The following GRM8 variants were observed in gnomAD, a reference collection of about 807,000 sequenced individuals.
The protein encoded by GRM8 is metabotropic glutamate receptor 8.
A neutral mutation model predicts 87.2 loss-of-function variants in GRM8; 47 were observed. That is an observed-to-expected ratio of 0.54 (90% CI 0.43 to 0.69). The LOEUF is 0.69. Among genes scored for constraint, GRM8 ranks in the 30% least tolerant of loss-of-function variants. The pLI, the probability that GRM8 is intolerant of heterozygous loss-of-function variation, is 0.00. For missense variants in GRM8, 1,019 were observed against 1,139.2 expected, an observed-to-expected ratio of 0.89 and a Z score of 1.52; for synonymous variants, 396 against 404.5, an observed-to-expected ratio of 0.98 and a Z score of 0.25.
chr7:126,861,984 G>C (rs1798177278), intron 6 of GRM8, among the ~76,000 whole-genome samples: 1 of 151,444 alleles, frequency 6.6e-6, no homozygotes, highest in East Asian at 1.9e-4. Flanking sequence ...TTTTGTTTGG[G>C]TTTTGTTTGT....
chr7:126,932,574 A>C (rs1805872934), intron 3 of GRM8, among the ~76,000 whole-genome samples: 2 of 152,180 alleles, frequency 1.3e-5, no homozygotes, highest in Admixed American at 1.3e-4. Flanking sequence ...TGCTAGAGAA[A>C]ATAGACATAC....
chr7:126,619,541 A>G (rs886826685), intron 7 of GRM8, among the ~76,000 whole-genome samples: 2 of 135,576 alleles, frequency 1.5e-5, no homozygotes, highest in Admixed American at 1.4e-4. Context: ...AAGAAATGCT[A>G]TTTACATTAA....
chr7:127,177,226 T>C (rs1182692302), intron 2 of GRM8, among the ~76,000 whole-genome samples: 1 of 152,132 alleles, frequency 6.6e-6, no homozygotes, highest in Non-Finnish European at 1.5e-5. Flanking sequence ...GACTGCTGGC[T>C]TTCCCCCATT....
chr7:127,064,253 A>C (rs1192049927), intron 3 of GRM8, among the ~76,000 whole-genome samples: 1 of 152,136 alleles, frequency 6.6e-6, no homozygotes, highest in Non-Finnish European at 1.5e-5. Context: ...ATTGCACAGA[A>C]GTCTATGTCT....
At chr7:127,011,104 G>A (rs1005387719) in intron 3 of GRM8, among the ~76,000 whole-genome samples, 2 of 152,048 alleles carry the variant, frequency 1.3e-5, no homozygotes, top group African/African-American at 2.4e-5. Flanking sequence ...CTCAGTCTGT[G>A]GTAATATTTA....
At chr7:126,823,852 A>G (rs1183349921) in intron 6 of GRM8, among the ~76,000 whole-genome samples, 1 of 152,190 alleles carries the variant, frequency 6.6e-6, no homozygotes, top group Non-Finnish European at 1.5e-5. Context: ...AATGTACACA[A>G]GAGTTGAACA....
At chr7:127,037,203 G>GA (rs1290435604) in intron 3 of GRM8, among the ~76,000 whole-genome samples, 1 of 151,970 alleles carries the variant, frequency 6.6e-6, no homozygotes, top group African/African-American at 2.4e-5. Context: ...TTCTCACTAG[G>GA]AAAAAAATAT....
chr7:126,866,106 A>G (rs893197965), intron 6 of GRM8, among the ~76,000 whole-genome samples: 1 of 152,212 alleles, frequency 6.6e-6, no homozygotes, highest in Non-Finnish European at 1.5e-5. Flanking sequence ...TGTCTTTTTT[A>G]TAACAGCCAT....
intron 2 of GRM8, among the ~76,000 whole-genome samples, chr7:127,225,960 TA>T (rs1797294822): frequency 6.6e-6 from 1 of 152,112 alleles, no homozygotes; most frequent in Admixed American, 6.6e-5. Flanking sequence ...AAAATACATA[TA>T]TCTGGGAAGG....
chr7:127,175,363 A>G (rs143912806), intron 2 of GRM8, among the ~76,000 whole-genome samples: 191 of 152,280 alleles, frequency 1.3e-3, no homozygotes, highest in African/African-American at 4.3e-3. Flanking sequence ...ACAGAAGAAT[A>G]TATTAAAGAA....
intron 7 of GRM8, among the ~76,000 whole-genome samples, chr7:126,657,810 G>GA (rs5887303): frequency 0.69 from 105,278 of 152,074 alleles, 37,322 homozygotes; most frequent in African/African-American, 0.85. Flanking sequence ...AGTGAGTGGG[G>GA]AAACCCACAG....
chr7:126,715,815 C>T, intron 7 of GRM8, among the ~76,000 whole-genome samples: 1 of 152,114 alleles, frequency 6.6e-6, no homozygotes, highest in East Asian at 1.9e-4. Context: ...GCTGAGGTAA[C>T]CTTACTCCTA....
chr7:126,985,368 T>C (rs1811951677), intron 3 of GRM8, among the ~76,000 whole-genome samples: 1 of 152,144 alleles, frequency 6.6e-6, no homozygotes, highest in African/African-American at 2.4e-5. Flanking sequence ...CTGGACAGAA[T>C]GATAAAAAAT....
chr7:127,144,598 T>C (rs1356601403), intron 2 of GRM8, among the ~76,000 whole-genome samples: 1 of 152,154 alleles, frequency 6.6e-6, no homozygotes, highest in Non-Finnish European at 1.5e-5. Context: ...TCAGCATAGT[T>C]CTATATGTTG....
intron 2 of GRM8, among the ~76,000 whole-genome samples, chr7:127,115,083 T>A (rs1460891324): frequency 6.6e-6 from 1 of 152,138 alleles, no homozygotes; most frequent in East Asian, 1.9e-4. Flanking sequence ...AGCCAGCCCC[T>A]GGCAACCTCA....
At chr7:126,917,336 G>A (rs1804013133) in intron 3 of GRM8, among the ~76,000 whole-genome samples, 1 of 151,548 alleles carries the variant, frequency 6.6e-6, no homozygotes, top group Admixed American at 6.6e-5. Flanking sequence ...CAAAATAGAA[G>A]ACAATTAGTA....
chr7:127,094,003 T>G (rs954143477), intron 3 of GRM8, among the ~76,000 whole-genome samples: 1 of 152,254 alleles, frequency 6.6e-6, no homozygotes, highest in Non-Finnish European at 1.5e-5. Context: ...TCAAGGAAAC[T>G]ATATTTGTTG....
intron 2 of GRM8, among the ~76,000 whole-genome samples, chr7:127,188,565 G>C (rs1439349256): frequency 6.6e-6 from 1 of 152,014 alleles, no homozygotes; most frequent in Non-Finnish European, 1.5e-5. Context: ...TGCCATCTGT[G>C]CTTTATTATT....
chr7:127,055,917 C>T (rs1183361601), intron 3 of GRM8, among the ~76,000 whole-genome samples: 1 of 152,122 alleles, frequency 6.6e-6, no homozygotes, highest in African/African-American at 2.4e-5. Flanking sequence ...AAATAAATAG[C>T]TTATGATTTC....
Sources: gnomAD v4.1 joint callset for allele counts (sites outside exome capture counted in the v4.1 genomes callset) on GRCh38, gnomAD v4.1.1 for gene constraint, MANE v1.5 for transcripts, NCBI Gene and HGNC (gene_info 2026-07-23, HGNC 2026-07-21) for gene names.